The following FRY variants were observed in gnomAD, a reference collection of about 807,000 sequenced individuals.
FRY encodes protein furry homolog.
In FRY, 128 loss-of-function variants were observed where a neutral mutation model predicts 348.4. That is an observed-to-expected ratio of 0.37 (90% CI 0.32 to 0.43). The LOEUF (loss-of-function observed/expected upper bound fraction) is 0.43, where lower values mean the gene tolerates loss of function less well. FRY is among the 20% of genes least tolerant of loss of function. FRY has a pLI of 1.00. For missense variants in FRY, 2,736 were observed against 3,695.2 expected, an observed-to-expected ratio of 0.74 and a Z score of 6.73; for synonymous variants, 1,370 against 1,374.7, an observed-to-expected ratio of 1.00 and a Z score of 0.08.
chr13:32,200,396 C>T (rs2520698), intron 29 of FRY, among the ~76,000 whole-genome samples: 70,075 of 152,016 alleles, frequency 0.46, 16,115 homozygotes, highest in Admixed American at 0.47. Context: ...AAATAAATAG[C>T]AGTAACTCAC....
intron 1 of FRY, among the ~76,000 whole-genome samples, chr13:32,039,135 T>C (rs1206619129): frequency 6.6e-6 from 1 of 152,210 alleles, no homozygotes; most frequent in Non-Finnish European, 1.5e-5. Context: ...GATTTGTACT[T>C]TCACTACATC....
chr13:32,069,633 T>C (rs1285662413), intron 1 of FRY, among the ~76,000 whole-genome samples: 1 of 152,246 alleles, frequency 6.6e-6, no homozygotes, highest in Non-Finnish European at 1.5e-5. Context: ...TCCTGCCATA[T>C]GCAACAACAC....
At chr13:32,051,402 G>A (rs1372140412) in intron 1 of FRY, among the ~76,000 whole-genome samples, 1 of 152,092 alleles carries the variant, frequency 6.6e-6, no homozygotes, top group Non-Finnish European at 1.5e-5. Context: ...GCTACCTACC[G>A]GAATGAAAAA....
At chr13:32,266,887 G>T (rs2095645727) in intron 54 of FRY, among the ~76,000 whole-genome samples, 2 of 152,316 alleles carry the variant, frequency 1.3e-5, no homozygotes, top group South Asian at 4.1e-4. Context: ...TGGTGACTGA[G>T]GCACGAGAAT....
intron 55 of FRY, among the ~76,000 whole-genome samples, chr13:32,269,745 A>G (rs1888114864): frequency 6.6e-6 from 1 of 152,170 alleles, no homozygotes; most frequent in South Asian, 2.1e-4. Flanking sequence ...AGTGAGCAGA[A>G]GGTTAGGCAA....
intron 54 of FRY, among the ~76,000 whole-genome samples, chr13:32,266,248 C>A (rs1001520052): frequency 2.0e-5 from 3 of 152,158 alleles, no homozygotes; most frequent in African/African-American, 7.2e-5. Flanking sequence ...TAGACAAAGG[C>A]CTTCTGTTAC....
At chr13:32,243,247 CA>C (rs1234073827) in intron 46 of FRY, among the ~76,000 whole-genome samples, 4 of 152,156 alleles carry the variant, frequency 2.6e-5, no homozygotes, top group African/African-American at 9.7e-5. Context: ...TTAAAAATGT[CA>C]TTCTATTAAC....
chr13:32,196,931 G>T (rs1031760439), intron 29 of FRY, among the ~76,000 whole-genome samples: 3 of 152,088 alleles, frequency 2.0e-5, no homozygotes, highest in African/African-American at 7.2e-5. Flanking sequence ...AATGAGATTA[G>T]AATAAGATAG....
chr13:32,114,329 C>T (rs1377355910), intron 3 of FRY, among the ~76,000 whole-genome samples: 1 of 152,170 alleles, frequency 6.6e-6, no homozygotes, highest in Non-Finnish European at 1.5e-5. Flanking sequence ...ACTAAGAAAC[C>T]AGCATAGGTA....
intron 39 of FRY, 64 bp downstream of exon 39, chr13:32,226,038 G>T (rs1885561793): frequency 3.5e-6 from 5 of 1,435,976 alleles, no homozygotes; most frequent in Non-Finnish European, 4.9e-6. Flanking sequence ...CTAACTGCGG[G>T]TGCCAGTGGA....
At chr13:32,193,027 G>A (rs1275229389) in intron 28 of FRY, among the ~76,000 whole-genome samples, 1 of 151,764 alleles carries the variant, frequency 6.6e-6, no homozygotes, top group African/African-American at 2.4e-5. Context: ...ACAGGTGTGA[G>A]CCACCACTCT....
chr13:32,080,412 T>C (rs1404691977), intron 2 of FRY, among the ~76,000 whole-genome samples: 2 of 152,208 alleles, frequency 1.3e-5, no homozygotes, highest in African/African-American at 4.8e-5. Context: ...TGCTTACAGA[T>C]GGGGAAAGTT....
Position 32,209,694 on chromosome 13 carries a change from T to C in FRY, c.4385T>C (p.Leu1462Pro). The C allele has an allele frequency of 6.2e-7, 1 of 1,614,158 alleles. No homozygotes were observed. Among genetic ancestry groups the C allele is most frequent in the Non-Finnish European group, 8.5e-7 (1 of 1,180,006 alleles). The change falls in exon 33 of 61, where the codon CTC becomes CCC. Residue 1462 changes from leucine (L) to proline (P), a missense_variant. By Grantham distance (98) the Leu-to-Pro change is moderately conservative (BLOSUM62 -3). This residue lies in a region of FRY where 794 missense variants were observed against 977.0 expected (regional missense o/e 0.81). Coordinates refer to ENST00000542859, the MANE Select transcript of FRY (RefSeq NM_023037.3). ...ATCACCTTGCAGTTCCTGATTAGCC[T>C]CTGTGGGGTCAGCAGCGACACAGTT... ...LRITLQFLIS[L>P]CGVSSDTVLL...
chr13:32,106,782 A>G (rs1269891416), intron 3 of FRY, among the ~76,000 whole-genome samples: 1 of 152,174 alleles, frequency 6.6e-6, no homozygotes, highest in African/African-American at 2.4e-5. Context: ...GGAAGAAGAA[A>G]AGAAAAAGAA....
At chr13:32,273,653 T>C (rs1888334561) in intron 55 of FRY, among the ~76,000 whole-genome samples, 1 of 152,178 alleles carries the variant, frequency 6.6e-6, no homozygotes, top group African/African-American at 2.4e-5. Context: ...AGAGGTCCCA[T>C]TCAGCATTTA....
rs200721303 is a variant in FRY at position 32,252,971 on chromosome 13, AT to A, written c.7245+1020del. Among the ~76,000 whole-genome samples, 926 of 152,304 alleles carry A rather than the reference AT, an allele frequency of 6.1e-3. 6 individuals carry two copies. The highest frequency in any genetic ancestry group is 0.021 in the African/African-American group (893 of 41,564). On this transcript the variant is annotated intron_variant, in intron 50 of 60. Transcript: ENST00000542859. Reference sequence around the variant, plus strand: ...TAGCCCACAGTGAAGAGACACAAGTATGTTTTTCCTCTGCATTGCAGCACTG... The same window carrying A: ...TAGCCCACAGTGAAGAGACACAAGTAGTTTTTCCTCTGCATTGCAGCACTG...
intron 47 of FRY, among the ~76,000 whole-genome samples, chr13:32,245,339 C>T (rs1023818898): frequency 1.3e-5 from 2 of 151,920 alleles, no homozygotes; most frequent in Non-Finnish European, 2.9e-5. Flanking sequence ...GGTGCAGTGG[C>T]TTATCCTGTA....
intron 1 of FRY, among the ~76,000 whole-genome samples, chr13:32,057,406 A>G (rs144257529): frequency 0.062 from 9,403 of 152,174 alleles, 309 homozygotes; most frequent in Middle Eastern, 0.095. Flanking sequence ...TCCTGACCTC[A>G]GGTGATCCAC....
chr13:32,038,914 A>G (rs1872648189), intron 1 of FRY, among the ~76,000 whole-genome samples: 1 of 152,198 alleles, frequency 6.6e-6, no homozygotes, highest in South Asian at 2.1e-4. Flanking sequence ...AGCTTCATAA[A>G]TGCATCCCAC....
Sources: allele counts gnomAD v4.1 joint callset (sites outside exome capture counted in the v4.1 genomes callset), GRCh38; gene constraint gnomAD v4.1.1; regional missense constraint gnomAD v4.1.1; transcripts MANE v1.5; gene names NCBI Gene and HGNC (gene_info 2026-07-23, HGNC 2026-07-21).